TSGA10: variants seen among roughly 807,000 people sequenced by gnomAD.
TSGA10 encodes testis specific 10, also known as testis-specific gene 10 protein.
Under a neutral mutation model 96.6 loss-of-function variants are expected in TSGA10, and 43 were observed. The ratio of observed to expected loss-of-function variants is 0.44; its 90% CI spans 0.35 to 0.57. TSGA10 has a LOEUF of 0.57. TSGA10 is among the 20% of genes least tolerant of loss of function. The pLI is 0.01. For missense variants in TSGA10, 703 were observed against 834.4 expected (o/e 0.84, Z 1.94); for synonymous variants, 229 against 269.9 (o/e 0.85, Z 1.48).
At chr2:99,044,037 T>C (rs1328689716) in intron 16 of TSGA10, among the ~76,000 whole-genome samples, 1 of 151,942 alleles carries the variant, frequency 6.6e-6, no homozygotes, top group Non-Finnish European at 1.5e-5. Context: ...AGCACTAAAA[T>C]TGGATAGGAA....
intron 17 of TSGA10, among the ~76,000 whole-genome samples, chr2:99,020,925 CTT>C (rs1034637449): frequency 1.3e-4 from 19 of 149,034 alleles, no homozygotes; most frequent in Admixed American, 4.0e-4. Flanking sequence ...CTTATAGTCT[CTT>C]AATATAATTA....
intron 17 of TSGA10, 24 bp from the exon 18 acceptor site, chr2:99,020,506 T>C: frequency 6.5e-7 from 1 of 1,530,422 alleles, no homozygotes; most frequent in Non-Finnish European, 9.0e-7. Flanking sequence ...AGAAGATATC[T>C]ACACTTATTC....
At chr2:99,130,173 T>C (rs186559307) in intron 1 of TSGA10, among the ~76,000 whole-genome samples, 20 of 152,338 alleles carry the variant, frequency 1.3e-4, no homozygotes, top group African/African-American at 4.6e-4. Flanking sequence ...TGTCAAATGG[T>C]ATTTCTGATT....
At chr2:99,122,848 T>C (rs139423573) in intron 2 of TSGA10, among the ~76,000 whole-genome samples, 20 of 152,090 alleles carry the variant, frequency 1.3e-4, no homozygotes, top group African/African-American at 4.6e-4. Flanking sequence ...TTTTGCTCTA[T>C]ATATTGTTCT....
At chr2:99,014,271 G>A (rs138217194) in intron 20 of TSGA10, among the ~76,000 whole-genome samples, 2,325 of 152,258 alleles carry the variant, frequency 0.015, 66 homozygotes, top group African/African-American at 0.052. Context: ...AGGAGCAGAG[G>A]TTGCAGTGAG....
At chr2:99,121,251 C>T (rs954159329) in intron 2 of TSGA10, among the ~76,000 whole-genome samples, 8 of 152,106 alleles carry the variant, frequency 5.3e-5, no homozygotes, top group Non-Finnish European at 1.0e-4. Flanking sequence ...AAATCATTTT[C>T]CAGAGTGGCT....
At chr2:99,056,642 A>G (rs1225077728) in intron 16 of TSGA10, among the ~76,000 whole-genome samples, 1 of 152,144 alleles carries the variant, frequency 6.6e-6, no homozygotes, top group Non-Finnish European at 1.5e-5. Context: ...AATTTTTACC[A>G]AACCTTTAAA....
Position 99,081,283 on chromosome 2 carries a change from A to C in TSGA10, c.726T>G (p.Ile242Met). Residue 242 changes from isoleucine (I) to methionine (M), a missense_variant and splice_region_variant, in exon 11 of 21, where the codon ATT (isoleucine) becomes ATG (methionine). Ile to Met is a conservative substitution (Grantham distance 10). Around this residue, in one of 3 missense-constraint regions of TSGA10, gnomAD observed 585 missense variants for 656.8 expected, o/e 0.89. Transcript: ENST00000393483. Reference protein sequence around the residue: ...QEKIMCLDEKIDNFTRQNIAQ... With the variant: ...QEKIMCLDEKMDNFTRQNIAQ... ...TAATATTAAGAGAAAAAAACTCACC[A>C]ATTTTTTCATCCAAGCACATAATTT... is the stretch of plus-strand genomic sequence containing the variant. The C allele has an allele frequency of 1.3e-6, 2 of 1,533,124 alleles. No homozygotes were observed. Among genetic ancestry groups the C allele is most frequent in the Non-Finnish European group, 1.8e-6 (2 of 1,136,012 alleles). 95.0% of individuals were successfully genotyped at this position (1,533,124 alleles called of 1,614,324 possible).
At chr2:99,146,433 A>G (rs973748004) in intron 1 of TSGA10, among the ~76,000 whole-genome samples, 8 of 151,920 alleles carry the variant, frequency 5.3e-5, no homozygotes, top group Admixed American at 5.2e-4. Flanking sequence ...TCTCTTATCT[A>G]TCTTTTTGTT....
Position 99,127,168 on chromosome 2 carries a change from G to A in TSGA10, c.-612C>T, listed in dbSNP as rs2092871359. The A allele has an allele frequency of 1.6e-6, 2 of 1,285,764 alleles. No homozygotes were observed. Among genetic ancestry groups the A allele is most frequent in the East Asian group, 5.6e-5 (1 of 17,960 alleles). The allele number at this position is 1,285,764 out of a possible 1,614,324, so 79.6% of individuals were successfully genotyped here. On this transcript the variant is annotated 5_prime_UTR_variant, in exon 2 of 21. Coordinates refer to ENST00000393483, the MANE Select transcript of TSGA10 (RefSeq NM_025244.4). ...CCCCTAGACCAAAATCATATTCTTTGGTGGTAACCTAGTACAAAGAATGGG... is the reference window on the plus strand; with the variant it reads ...CCCCTAGACCAAAATCATATTCTTTAGTGGTAACCTAGTACAAAGAATGGG...
chr2:99,106,229 T>C (rs2091320409), intron 7 of TSGA10, among the ~76,000 whole-genome samples: 1 of 152,164 alleles, frequency 6.6e-6, no homozygotes. Context: ...TTATTTAATA[T>C]CACAGTTCGC....
In TSGA10 at chr2:99,004,064, G is replaced by C. The variant is rs183962898; in HGVS notation, c.2073-5843C>G. Among the ~76,000 whole-genome samples, 1,155 of 152,084 alleles carry C rather than the reference G, an allele frequency of 7.6e-3. 7 individuals carry two copies. The highest frequency in any genetic ancestry group is 0.013 in the Non-Finnish European group (852 of 67,992). ...ACACACCACTAGCAAGACTAATAAA[G>C]AAGAAAAGAGAGAAGAATCAAATAG... is the stretch of plus-strand genomic sequence containing the variant. On this transcript the variant is annotated intron_variant, in intron 20 of 20. Transcript: ENST00000393483.
At chr2:99,143,458 C>CT (rs772829065) in intron 1 of TSGA10, among the ~76,000 whole-genome samples, 3,424 of 141,070 alleles carry the variant, frequency 0.024, 49 homozygotes, top group Middle Eastern at 0.04. Context: ...TGCGCCCAGA[C>CT]TTTTTTTTTT....
At chr2:99,025,482 C>T (rs369363060) in intron 17 of TSGA10, among the ~76,000 whole-genome samples, 1 of 152,056 alleles carries the variant, frequency 6.6e-6, no homozygotes, top group Non-Finnish European at 1.5e-5. Flanking sequence ...CTCTTATTCC[C>T]GATTTTAGTA....
chr2:99,087,377 A>G (rs1274689689), intron 10 of TSGA10, among the ~76,000 whole-genome samples: 1 of 150,196 alleles, frequency 6.7e-6, no homozygotes, highest in East Asian at 2.0e-4. Context: ...GTAGTGGCGC[A>G]TGCCTGTAAT....
intron 10 of TSGA10, among the ~76,000 whole-genome samples, chr2:99,088,940 TGGAGA>T (rs1373572173): frequency 2.6e-5 from 4 of 152,276 alleles, no homozygotes; most frequent in Non-Finnish European, 5.9e-5. Context: ...AAGCAGTGTG[TGGAGA>T]CTCACGTTGT....
chr2:99,111,992 T>C (rs988666177), intron 4 of TSGA10, among the ~76,000 whole-genome samples: 12 of 152,130 alleles, frequency 7.9e-5, no homozygotes, highest in Non-Finnish European at 1.5e-4. Flanking sequence ...CAAGGTATGA[T>C]TATGGTAGAT....
chr2:99,138,871 G>T (rs2105085076), intron 1 of TSGA10, among the ~76,000 whole-genome samples: 1 of 152,278 alleles, frequency 6.6e-6, no homozygotes, highest in Middle Eastern at 3.4e-3. Context: ...GATTCCTAAG[G>T]CATGAGTTAA....
chr2:99,109,452 T>G lies in TSGA10; in HGVS notation c.-13A>C. On this transcript the variant is annotated 5_prime_UTR_variant, in exon 6 of 21. Coordinates refer to ENST00000393483, the MANE Select transcript of TSGA10 (RefSeq NM_025244.4). ...TACTTCGCATCATCTTTCTCAAATG[T>G]TGAGCTTCACTCTTATAGTGATCTT... 6.2e-7 allele frequency: 1 copy of G among 1,613,932 alleles called. No individual in the cohort carries two copies. The highest frequency in any genetic ancestry group is 8.5e-7 in the Non-Finnish European group (1 of 1,179,858).
Sources: gnomAD v4.1 joint callset for allele counts (sites outside exome capture counted in the v4.1 genomes callset) on GRCh38, gnomAD v4.1.1 for gene constraint, gnomAD v4.1.1 regional missense constraint, MANE v1.5 for transcripts, NCBI Gene and HGNC (gene_info 2026-07-23, HGNC 2026-07-21) for gene names.